The following CRTC1 variants were observed in gnomAD, a reference collection of about 807,000 sequenced individuals.
The protein encoded by CRTC1 is CREB regulated transcription coactivator 1, also known as CREB-regulated transcription coactivator 1.
Under a neutral mutation model 66.1 loss-of-function variants are expected in CRTC1, and 18 were observed. The observed-to-expected ratio is 0.27, with a 90% CI of 0.19 to 0.40. The LOEUF (loss-of-function observed/expected upper bound fraction) is 0.40. Ranked by LOEUF, CRTC1 falls within the 10% of genes least tolerant of loss-of-function variation. The pLI is 1.00. For synonymous variants in CRTC1, 416 were observed against 398.8 expected, an observed-to-expected ratio of 1.04 and a Z score of -0.51; for missense variants, 669 against 887.9, an observed-to-expected ratio of 0.75 and a Z score of 3.13.
In CRTC1 at chr19:18,779,378, C is replaced by CG. The variant is rs567875697; in HGVS notation, c.*2003dup. On this transcript the variant is annotated 3_prime_UTR_variant, in exon 14 of 14. Transcript: ENST00000321949. ...CCTGCTGCCGTCTTGTTCCAAGGTGCGGGGGGGACACTGTTGGTCTGTCCA... is the reference window on the plus strand; with the variant it reads ...CCTGCTGCCGTCTTGTTCCAAGGTGCGGGGGGGGACACTGTTGGTCTGTCCA... The CG allele has an allele frequency of 6.3e-3, 1,414 of 222,986 alleles. 8 individuals are homozygous for CG. Among genetic ancestry groups the CG allele is most frequent in the Middle Eastern group, 0.017 (12 of 712 alleles). 13.8% of individuals were successfully genotyped at this position (222,986 alleles called of 1,614,324 possible).
Position 18,768,788 on chromosome 19 carries a change from G to A in CRTC1, c.1315G>A (p.Ala439Thr), listed in dbSNP as rs1286441145. Reference sequence around the variant, plus strand: ...CCAGCCATCGATGGGGATCGACATCGCCTCGGTAAGCCCAGGGTGGGGTCC... The same window carrying A: ...CCAGCCATCGATGGGGATCGACATCACCTCGGTAAGCCCAGGGTGGGGTCC... ...PGQPSMGIDI[A>T]SAPALQQYRT... Residue 439 changes from alanine (A) to threonine (T), a missense_variant, in exon 10 of 14, where the codon GCC (alanine) becomes ACC (threonine). By Grantham distance (58) the Ala-to-Thr change is moderately conservative (BLOSUM62 0). Coordinates refer to ENST00000321949, the MANE Select transcript of CRTC1 (RefSeq NM_015321.3). This position sits in a 1 kb window ranked among gnomAD's most constrained non-coding sequence, Gnocchi z 5.6. 6.3e-6 allele frequency: 10 copies of A among 1,596,552 alleles called. No individual in the cohort carries two copies. Among genetic ancestry groups the A allele is most frequent in the Admixed American group, 1.7e-5 (1 of 58,574 alleles).
At chr19:18,719,553 A>G (rs2053576185) in intron 1 of CRTC1, among the ~76,000 whole-genome samples, 1 of 152,252 alleles carries the variant, frequency 6.6e-6, no homozygotes, top group Non-Finnish European at 1.5e-5. Context: ...TTTTGGGCCC[A>G]TGGTAATGAG....
chr19:18,718,688 C>G (rs1343735235), intron 1 of CRTC1, among the ~76,000 whole-genome samples: 1 of 152,080 alleles, frequency 6.6e-6, no homozygotes, highest in Non-Finnish European at 1.5e-5. Flanking sequence ...TATGGACAGA[C>G]CAGTCTTATT....
At chr19:18,749,935 T>C in intron 5 of CRTC1, 60 bp downstream of exon 5, 1 of 1,353,066 alleles carries the variant, frequency 7.4e-7, no homozygotes, top group Non-Finnish European at 1.1e-6. Flanking sequence ...AGGTAACCCC[T>C]GTTCTCCAGG....
chr19:18,693,070 G>A (rs1468921430), intron 1 of CRTC1, among the ~76,000 whole-genome samples: 52 of 81,070 alleles, frequency 6.4e-4, no homozygotes, highest in Non-Finnish European at 9.3e-4. Context: ...GCGAGACTCC[G>A]TCTCAAAAAA....
At position 18,765,511 on chromosome 19, in the gene CRTC1, C is replaced by T. The variant is rs1211008861; in HGVS notation, c.994C>T (p.Leu332=). 7 of 1,606,786 alleles carry T rather than the reference C, an allele frequency of 4.4e-6. No homozygotes were observed. The highest frequency in any genetic ancestry group is 1.7e-5 in the Admixed American group (1 of 59,902). Residue 332 remains leucine, a synonymous_variant, in exon 9 of 14, where the codon CTG becomes TTG. Coordinates refer to ENST00000321949, the MANE Select transcript of CRTC1 (RefSeq NM_015321.3). ...GCAGGCATCGCCCACCCTGTCCCCG[C>T]TGTCACCCATCACTCAGGTGCGAGG... ...RQQASPTLSP[L]SPITQAVAMD...
At chr19:18,717,750 C>T (rs2053540033) in intron 1 of CRTC1, among the ~76,000 whole-genome samples, 1 of 152,062 alleles carries the variant, frequency 6.6e-6, no homozygotes, top group South Asian at 2.1e-4. Context: ...AGCAGGGCCG[C>T]AGGGACATGG....
intron 4 of CRTC1, among the ~76,000 whole-genome samples, chr19:18,749,556 C>T (rs780580429): frequency 1.3e-4 from 20 of 152,258 alleles, no homozygotes; most frequent in South Asian, 4.1e-4. Flanking sequence ...TGCGCCACCT[C>T]GCGCGGCTGC....
rs1459939864 is a variant in CRTC1, at chr19:18,777,379, G to A, written c.1902G>A (p.Leu634=). ...ATEDTFRMDR[L] ...AGGACACCTTCCGGATGGACCGCCT[G>A]TGAGCGGGCACGCCGGCACCCTGCC... The change falls in exon 14 of 14, where the codon CTG becomes CTA. Residue 634 remains leucine (L), a synonymous_variant. Transcript: ENST00000321949. This position sits in a 1 kb window ranked among gnomAD's most constrained non-coding sequence, Gnocchi z 5.5. 21 of 1,602,108 alleles carry A rather than the reference G, an allele frequency of 1.3e-5. No individual in the cohort carries two copies. The highest frequency in any genetic ancestry group is 1.6e-5 in the Non-Finnish European group (19 of 1,179,812).
chr19:18,777,436 CG>C lies in CRTC1; in HGVS notation c.*58del. On this transcript the variant is annotated 3_prime_UTR_variant, in exon 14 of 14. Coordinates refer to ENST00000321949, the MANE Select transcript of CRTC1 (RefSeq NM_015321.3). This position sits in a 1 kb window ranked among gnomAD's most constrained non-coding sequence, Gnocchi z 5.5. ...CCGTCCCGACGGCGCCTCCCCAGCC[CG>C]GGGACGGCCGTGCTCCGTCCCTCGC... 6.7e-7 allele frequency: 1 copy of C among 1,494,098 alleles called. No individual in the cohort carries two copies. The highest frequency in any genetic ancestry group is 9.2e-7 in the Non-Finnish European group (1 of 1,085,198). The allele number at this position is 1,494,098 out of a possible 1,614,324, so 92.6% of individuals were successfully genotyped here.
intron 1 of CRTC1, among the ~76,000 whole-genome samples, chr19:18,727,580 C>CAAAAAAAAG (rs1555780866): frequency 1.2e-4 from 6 of 51,814 alleles, no homozygotes; most frequent in African/African-American, 5.0e-4. Flanking sequence ...GACTCTGTCT[C>CAAAAAAAAG]AAAAAAAAAA....
intron 3 of CRTC1, among the ~76,000 whole-genome samples, chr19:18,746,727 A>T (rs1257611230): frequency 1.3e-5 from 2 of 152,150 alleles, no homozygotes; most frequent in Non-Finnish European, 2.9e-5. Flanking sequence ...AGCTGAACTC[A>T]GACTCCACAG....
intron 1 of CRTC1, among the ~76,000 whole-genome samples, chr19:18,702,636 C>T (rs1334044557): frequency 1.3e-5 from 2 of 150,812 alleles, no homozygotes; most frequent in Admixed American, 6.7e-5. Flanking sequence ...CGGGTTCAAG[C>T]GATTCTCCTG....
intron 1 of CRTC1, among the ~76,000 whole-genome samples, chr19:18,735,996 C>T (rs1239243067): frequency 6.6e-6 from 1 of 152,164 alleles, no homozygotes; most frequent in African/African-American, 2.4e-5. Context: ...GGGGACACTG[C>T]CGTGGTGGGG....
At chr19:18,746,804 G>A (rs1343814460) in intron 3 of CRTC1, among the ~76,000 whole-genome samples, 1 of 152,214 alleles carries the variant, frequency 6.6e-6, no homozygotes, top group Admixed American at 6.5e-5. Flanking sequence ...GCCCGCACGT[G>A]TGCTCACGGA....
chr19:18,749,245 C>G (rs1419835121), intron 4 of CRTC1, among the ~76,000 whole-genome samples: 3 of 152,176 alleles, frequency 2.0e-5, no homozygotes, highest in African/African-American at 7.2e-5. Flanking sequence ...GGCTTCATTC[C>G]TTCCGGGGCC....
In CRTC1 at chr19:18,782,209, G is replaced by C. The variant is rs1296755759; in HGVS notation, c.*4827G>C. 1 of 229,080 alleles carries C rather than the reference G, an allele frequency of 4.4e-6. No homozygotes were observed. Among genetic ancestry groups the C allele is most frequent in the African/African-American group, 2.2e-5 (1 of 44,718 alleles). The allele number at this position is 229,080 out of a possible 1,614,324, so 14.2% of individuals were successfully genotyped here. A position where few individuals can be genotyped will look rare whatever the true frequency, so the allele number is the denominator to read the frequency against. On this transcript the variant is annotated 3_prime_UTR_variant, in exon 14 of 14. Coordinates refer to ENST00000321949, the MANE Select transcript of CRTC1 (RefSeq NM_015321.3). ...GCCATGATTGTGGGCGGCCGCAGCG[G>C]GCGGGGGCAGGCGGCTCAGGGCACA...
At chr19:18,690,086 G>T (rs1390638748) in intron 1 of CRTC1, among the ~76,000 whole-genome samples, 2 of 149,350 alleles carry the variant, frequency 1.3e-5, no homozygotes, top group Non-Finnish European at 3.0e-5. Flanking sequence ...GATGTTGGGG[G>T]TGAGGGGAAG....
chr19:18,765,383 T>G, intron 8 of CRTC1, 21 bp from the exon 9 acceptor site: 4 of 1,601,556 alleles, frequency 2.5e-6, no homozygotes, highest in Non-Finnish European at 2.6e-6. Flanking sequence ...CTGCTCTCCC[T>G]CCCTCCTACT....
Sources: allele counts gnomAD v4.1 joint callset (sites outside exome capture counted in the v4.1 genomes callset), GRCh38; gene constraint gnomAD v4.1.1; non-coding constraint Gnocchi (gnomAD v3.1); transcripts MANE v1.5; gene names NCBI Gene and HGNC (gene_info 2026-07-23, HGNC 2026-07-21).